Variants in PDE10A observed in about 807,000 individuals in gnomAD.
The protein encoded by PDE10A is cAMP and cAMP-inhibited cGMP 3',5'-cyclic phosphodiesterase 10A.
Under a neutral mutation model 97.7 loss-of-function variants are expected in PDE10A, and 39 were observed. The observed-to-expected ratio is 0.40, with a 90% CI of 0.31 to 0.52. The LOEUF is 0.52. Ranked by LOEUF, PDE10A falls within the 20% of genes least tolerant of loss-of-function variation. The pLI, the probability that PDE10A is intolerant of heterozygous loss-of-function variation, is 0.56. For synonymous variants in PDE10A, 371 were observed against 376.8 expected, an observed-to-expected ratio of 0.98 and a Z score of 0.18; for missense variants, 731 against 1,047.8, an observed-to-expected ratio of 0.70 and a Z score of 4.17.
intron 1 of PDE10A, among the ~76,000 whole-genome samples, chr6:165,745,580 T>TA (rs1402486043): frequency 6.6e-6 from 1 of 152,238 alleles, no homozygotes; most frequent in Non-Finnish European, 1.5e-5. Flanking sequence ...ACCACTGGTT[T>TA]ATCATTAAAT....
In PDE10A at chr6:165,369,528, A is replaced by G. The variant is rs987598036; in HGVS notation, c.2783+9666T>C. 1.6e-4 allele frequency among the ~76,000 whole-genome samples: 24 copies of G among 145,730 alleles called. 1 individual carries two copies. Among genetic ancestry groups the G allele is most frequent in the Non-Finnish European group, 2.7e-4 (18 of 66,922 alleles). ...ATGAAGCGAGAAGGAAGTTTAGAGA[A>G]AAAAGAATAAAAAGGAATGAGCAAA... On this transcript the variant is annotated intron_variant, in intron 18 of 21. Transcript: ENST00000539869.
intron 1 of PDE10A, among the ~76,000 whole-genome samples, chr6:165,616,489 C>T (rs942846520): frequency 6.6e-6 from 1 of 152,000 alleles, no homozygotes; most frequent in African/African-American, 2.4e-5. Flanking sequence ...AGGCCTACAG[C>T]CTGAAGGAAG....
chr6:165,480,704 G>C (rs1366103454), intron 3 of PDE10A, among the ~76,000 whole-genome samples: 1 of 152,210 alleles, frequency 6.6e-6, no homozygotes, highest in East Asian at 1.9e-4. Context: ...CATGCCTTCT[G>C]TCAGGGATGT....
At chr6:165,433,321 C>A (rs929175192) in intron 6 of PDE10A, among the ~76,000 whole-genome samples, 192 bp from the exon 7 acceptor site, 3 of 152,060 alleles carry the variant, frequency 2.0e-5, no homozygotes, top group African/African-American at 7.2e-5. Context: ...AACTTATACC[C>A]AAATACTGCT....
chr6:165,793,292 C>T (rs528754958), intron 1 of PDE10A, among the ~76,000 whole-genome samples: 11 of 151,958 alleles, frequency 7.2e-5, no homozygotes, highest in East Asian at 1.9e-4. Flanking sequence ...AAGAAGTCCT[C>T]GGCCTTATAA....
intron 1 of PDE10A, chr6:165,948,869 C>T (rs534568775): frequency 6.6e-6 from 1 of 152,448 alleles, no homozygotes; most frequent in South Asian, 2.1e-4. Flanking sequence ...CCCAGAGTCC[C>T]AGTGAGAGAA....
At chr6:165,586,883 A>G (rs771694623) in intron 1 of PDE10A, among the ~76,000 whole-genome samples, 4 of 152,198 alleles carry the variant, frequency 2.6e-5, no homozygotes, top group Non-Finnish European at 5.9e-5. Flanking sequence ...GCCTTGAAAA[A>G]AAAATGCTGA....
At chr6:165,617,012 G>C (rs924855209) in intron 1 of PDE10A, among the ~76,000 whole-genome samples, 1 of 152,156 alleles carries the variant, frequency 6.6e-6, no homozygotes. Context: ...GAAAACCTTT[G>C]AGAAAATACA....
chr6:165,377,620 C>A (rs903869403), intron 18 of PDE10A, among the ~76,000 whole-genome samples: 1 of 151,922 alleles, frequency 6.6e-6, no homozygotes, highest in African/African-American at 2.4e-5. Context: ...AGGCTGGATA[C>A]TAGTTACATG....
intron 3 of PDE10A, among the ~76,000 whole-genome samples, chr6:165,454,794 G>A (rs1359832787): frequency 5.9e-5 from 9 of 152,152 alleles, no homozygotes; most frequent in East Asian, 1.9e-4. Context: ...GGAACTGAAC[G>A]GCGCAGACTA....
intron 1 of PDE10A, among the ~76,000 whole-genome samples, chr6:165,931,393 T>C (rs1191256829): frequency 6.6e-6 from 1 of 152,238 alleles, no homozygotes; most frequent in East Asian, 1.9e-4. Context: ...CGAAAAGGAA[T>C]AAAGGGGCCA....
At chr6:165,509,456 G>C (rs9459427) in intron 2 of PDE10A, among the ~76,000 whole-genome samples, 38,037 of 151,766 alleles carry the variant, frequency 0.25, 5,444 homozygotes, top group African/African-American at 0.4. Flanking sequence ...TATTTTTATA[G>C]CAATACCATG....
rs564795691 is a variant in PDE10A at position 165,798,625 on chromosome 6, A to G, written c.-615+188904T>C. Among the ~76,000 whole-genome samples the G allele has an allele frequency of 2.0e-5, 3 of 152,338 alleles. No homozygotes were observed. In the South Asian group the frequency reaches 6.2e-4, roughly 32 times the overall value. On this transcript the variant is annotated intron_variant, in intron 1 of 19. Transcript: ENST00000366882. ...GTCCCACCAAGAGGGAAACTGCCTC[A>G]TATTTAATAGAAAAATCTGGAAATC...
intron 1 of PDE10A, among the ~76,000 whole-genome samples, chr6:165,952,942 G>A (rs1268491189): frequency 6.6e-6 from 1 of 152,072 alleles, no homozygotes; most frequent in Non-Finnish European, 1.5e-5. Flanking sequence ...ACTGCCCAGC[G>A]GCCTCCCTCA....
chr6:165,393,491 C>T lies in PDE10A; in HGVS notation c.2304-695G>A, dbSNP rs376484723. ...AAACAAAAGCATATATAAAACAAGG[C>T]TTTCTAAAATACCAGGGAGGTCAAG... On this transcript the variant is annotated intron_variant, in intron 15 of 21. Transcript: ENST00000539869. Among the ~76,000 whole-genome samples the T allele has an allele frequency of 2.4e-4, 37 of 151,652 alleles. No individual in the cohort carries two copies. In the East Asian group the frequency reaches 6.6e-3, roughly 27 times the overall value.
At chr6:165,483,310 C>T (rs1340636233) in intron 2 of PDE10A, among the ~76,000 whole-genome samples, 1 of 152,192 alleles carries the variant, frequency 6.6e-6, no homozygotes, top group Non-Finnish European at 1.5e-5. Context: ...TATAGGACAG[C>T]AGGTATTCAA....
intron 7 of PDE10A, 45 bp downstream of exon 7, chr6:165,432,929 T>A: frequency 6.8e-7 from 1 of 1,474,632 alleles, no homozygotes; most frequent in Non-Finnish European, 9.4e-7. Flanking sequence ...TTCAATGAGC[T>A]AGGTACAACT....
In PDE10A at chr6:165,943,259, G is replaced by GA. The variant is rs1243005533; in HGVS notation, c.-615+44269dup. On this transcript the variant is annotated intron_variant, in intron 1 of 19. Transcript: ENST00000366882. Reference sequence around the variant, plus strand: ...AGAAGGAAGGAAGGAAGGAAGGAAGGAAGGAAGGAAGGAAGGAAAGAAAGA... The same window carrying GA: ...AGAAGGAAGGAAGGAAGGAAGGAAGGAAAGGAAGGAAGGAAGGAAAGAAAGA... Among the ~76,000 whole-genome samples, 334 of 103,096 alleles carry GA rather than the reference G, an allele frequency of 3.2e-3. 28 individuals carry two copies. Among genetic ancestry groups the GA allele is most frequent in the Middle Eastern group, 0.013 (3 of 230 alleles). The allele number at this position is 103,096 out of a possible 152,430, so 67.6% of individuals were successfully genotyped here.
chr6:165,512,160 CCTTT>C (rs1160927336), intron 2 of PDE10A, among the ~76,000 whole-genome samples: 5 of 151,670 alleles, frequency 3.3e-5, no homozygotes, highest in Admixed American at 2.0e-4. Context: ...CCATTTGAGT[CCTTT>C]CTCTTTCTGA....
Sources: allele counts gnomAD v4.1 joint callset (sites outside exome capture counted in the v4.1 genomes callset), GRCh38; gene constraint gnomAD v4.1.1; transcripts MANE v1.5; gene names NCBI Gene and HGNC (gene_info 2026-07-23, HGNC 2026-07-21).